Variants in LCT observed in about 807,000 individuals in gnomAD.
LCT encodes lactase, also known as lactase/phlorizin hydrolase.
In LCT, 90 loss-of-function variants were observed where a neutral mutation model predicts 173.0. The ratio of observed to expected loss-of-function variants is 0.52; its 90% CI spans 0.44 to 0.62. LCT has a LOEUF of 0.62. Ranked by LOEUF, LCT falls within the 20% of genes least tolerant of loss-of-function variation. The pLI, the probability that LCT is intolerant of heterozygous loss-of-function variation, is 0.00. For missense variants in LCT, 1,864 were observed against 2,431.4 expected, an observed-to-expected ratio of 0.77 and a Z score of 4.91; for synonymous variants, 853 against 957.6, an observed-to-expected ratio of 0.89 and a Z score of 2.02.
At position 135,813,009 on chromosome 2, in the gene LCT, A is replaced by G. The variant is rs1558739794; in HGVS notation, c.1708-53T>C. The G allele has an allele frequency of 6.0e-6, 9 of 1,498,590 alleles. No individual in the cohort carries two copies. The Admixed American group carries it at 1.6e-4, about 27-fold the overall frequency. The allele number at this position is 1,498,590 out of a possible 1,614,324, so 92.8% of individuals were successfully genotyped here. A position where few individuals can be genotyped will look rare whatever the true frequency, so the allele number is the denominator to read the frequency against. The stretch of plus-strand genomic sequence containing the variant: ...GTGATTAGTAATAATAACAATGACA[A>G]CAACAGGACTAATGAACCAATAACA... On this transcript the variant is annotated intron_variant, in intron 6 of 16. Transcript: ENST00000264162.
chr2:135,812,941 G>T lies in LCT; in HGVS notation c.1723C>A (p.Leu575Ile), dbSNP rs765760788. 33 of 1,614,032 alleles carry T rather than the reference G, an allele frequency of 2.0e-5. No homozygotes were observed. The East Asian group carries it at 7.1e-4, about 35-fold the overall frequency. ...TGCCAAGTTCTGGCATGAGCCTTGA[G>T]GACCAAGTGAGCCACCTTGTGAAAA... Reference protein sequence around the residue: ...VASFKVAHLVLKAHARTWHHY... With the variant: ...VASFKVAHLVIKAHARTWHHY... The change falls in exon 7 of 17, where the codon CTC (leucine) becomes ATC (isoleucine). Residue 575 changes from leucine (L) to isoleucine (I), a missense_variant. Physicochemically the swap from Leu to Ile is conservative, Grantham distance 5 (BLOSUM62 2). This residue lies in a region of LCT where 183 missense variants were observed against 293.1 expected (regional missense o/e 0.62). Transcript: ENST00000264162.
intron 6 of LCT, among the ~76,000 whole-genome samples, chr2:135,817,046 T>A (rs1344867080): frequency 6.6e-6 from 1 of 152,034 alleles, no homozygotes. Flanking sequence ...TTTTTGTATT[T>A]TTTTTGCAGA....
In LCT at chr2:135,829,662, G is replaced by A. The variant is rs868808264; in HGVS notation, c.735C>T (p.Phe245=). 1.2e-6 allele frequency: 2 copies of A among 1,608,014 alleles called. No homozygotes were observed. Among genetic ancestry groups the A allele is most frequent in the South Asian group, 2.2e-5 (2 of 91,010 alleles). ...ISALAQDTVD[F]LSLDLSYECQ... is the part of the protein sequence containing the mutation. ...ATTCATAAGACAAATCAAGAGAGAG[G>A]AAATCGACCGTGTCCTGAAAATAGT... The change falls in exon 3 of 17, where the codon TTC becomes TTT. Residue 245 remains phenylalanine (F), a synonymous_variant. Transcript: ENST00000264162.
intron 3 of LCT, among the ~76,000 whole-genome samples, chr2:135,824,222 C>T (rs2077863561): frequency 6.6e-6 from 1 of 152,212 alleles, no homozygotes. Flanking sequence ...CCCCCACCTT[C>T]ACCTCTTCTT....
At chr2:135,805,454 A>T (rs2077663622) in intron 9 of LCT, among the ~76,000 whole-genome samples, 1 of 152,212 alleles carries the variant, frequency 6.6e-6, no homozygotes, top group African/African-American at 2.4e-5. Flanking sequence ...AGCAGGAACC[A>T]CCACTAACTG....
chr2:135,790,835 A>G lies in LCT; in HGVS notation c.5158T>C (p.Phe1720Leu), dbSNP rs1172565995. ...ADRSWPDSGSFWLKMTPFGFR... is the reference protein window; with the variant it reads ...ADRSWPDSGSLWLKMTPFGFR... ...CCAAAAGGCGTCATCTTCAGCCAGA[A>G]GGAGCCAGAGTCTGGCCACGAGCGA... Residue 1720 changes from phenylalanine to leucine, a missense_variant, in exon 15 of 17, where the codon TTC becomes CTC. Around this residue, in one of 4 missense-constraint regions of LCT, gnomAD observed 514 missense variants for 750.1 expected, o/e 0.69. Transcript: ENST00000264162. This position sits in a 1 kb window ranked among gnomAD's most constrained non-coding sequence, Gnocchi z 4.1. 3.7e-6 allele frequency: 6 copies of G among 1,614,102 alleles called. No individual in the cohort carries two copies. In the South Asian group the frequency reaches 4.4e-5, roughly 12 times the overall value.
intron 4 of LCT, chr2:135,822,494 C>A: frequency 4.6e-6 from 1 of 219,074 alleles, no homozygotes. Context: ...TTTAGAAGAA[C>A]TCAAAGATCA....
In LCT at chr2:135,809,842, G is replaced by C. The variant is rs1234446374; in HGVS notation, c.2505C>G (p.Ala835=). 1.9e-6 allele frequency: 3 copies of C among 1,614,014 alleles called. No individual in the cohort carries two copies. The highest frequency in any genetic ancestry group is 2.7e-5 in the African/African-American group (2 of 74,910). The part of the protein sequence containing the change: ...SSKSRTPRKS[A]YFFTSIIEKN... Reference sequence around the variant, plus strand: ...TTTCTATGATGCTAGTGAAAAAGTAGGCAGATTTCCTGGGAGTCCTTGACT... The same window carrying C: ...TTTCTATGATGCTAGTGAAAAAGTACGCAGATTTCCTGGGAGTCCTTGACT... Residue 835 remains alanine (A), a synonymous_variant, in exon 8 of 17, where the codon GCC becomes GCG. Coordinates refer to ENST00000264162, the MANE Select transcript of LCT (RefSeq NM_002299.4). This position sits in a 1 kb window ranked among gnomAD's most constrained non-coding sequence, Gnocchi z 5.5.
chr2:135,832,042 C>G (rs12620033), intron 2 of LCT, among the ~76,000 whole-genome samples: 77,281 of 151,720 alleles, frequency 0.51, 23,829 homozygotes, highest in Non-Finnish European at 0.71. Context: ...CATGGTGAAA[C>G]CCCATCTCTA....
chr2:135,813,026 C>A, intron 6 of LCT, 70 bp from the exon 7 acceptor site: 1 of 1,372,640 alleles, frequency 7.3e-7, no homozygotes. Flanking sequence ...GACTAATGAA[C>A]CAATAACAAG....
At chr2:135,823,819 A>C in intron 4 of LCT, 82 bp downstream of exon 4, 28 of 935,700 alleles carry the variant, frequency 3.0e-5, no homozygotes, top group Non-Finnish European at 4.4e-5. Context: ...CTCCCATTGG[A>C]ACCCCGGACT....
At chr2:135,824,351 C>T (rs2077865093) in intron 3 of LCT, among the ~76,000 whole-genome samples, 1 of 152,156 alleles carries the variant, frequency 6.6e-6, no homozygotes, top group Non-Finnish European at 1.5e-5. Flanking sequence ...AGGCCACCAT[C>T]TATGGATGTC....
chr2:135,834,808 A>AAAAACAAAAAAAG, intron 1 of LCT, among the ~76,000 whole-genome samples: 1 of 138,240 alleles, frequency 7.2e-6, no homozygotes, highest in Admixed American at 7.8e-5. Context: ...AAAAAAAAAA[A>AAAAACAAAAAAAG]AAGAAGAAGA....
chr2:135,811,629 AG>A (rs991943915), intron 7 of LCT, among the ~76,000 whole-genome samples: 12 of 149,740 alleles, frequency 8.0e-5, no homozygotes, highest in African/African-American at 2.9e-4. Context: ...AGAGCCTAGG[AG>A]TTTGAGGCTG....
intron 3 of LCT, among the ~76,000 whole-genome samples, chr2:135,829,233 G>A (rs2077913047): frequency 6.6e-6 from 1 of 152,070 alleles, no homozygotes; most frequent in African/African-American, 2.4e-5. Context: ...GTATAGTTCA[G>A]TGGTGTTAAG....
intron 6 of LCT, among the ~76,000 whole-genome samples, chr2:135,815,682 G>GTAT (rs57008352): frequency 0.1 from 15,632 of 150,754 alleles, 1,339 homozygotes; most frequent in South Asian, 0.29. Flanking sequence ...ACAGGAAATA[G>GTAT]TATTATTATT....
chr2:135,831,858 T>A (rs1463709815), intron 2 of LCT, among the ~76,000 whole-genome samples: 1 of 152,172 alleles, frequency 6.6e-6, no homozygotes, highest in East Asian at 1.9e-4. Context: ...GCTTCCAGAC[T>A]GCCCAGCTGC....
At chr2:135,791,438 G>A (rs2077532463) in intron 14 of LCT, among the ~76,000 whole-genome samples, 1 of 152,236 alleles carries the variant, frequency 6.6e-6, no homozygotes, top group African/African-American at 2.4e-5. Flanking sequence ...TGGACGAGGA[G>A]GTGGACAGCT....
In LCT at chr2:135,836,827, G is replaced by A. The variant is rs980175497; in HGVS notation, c.343C>T (p.Arg115Ter). 4 of 1,614,128 alleles carry A rather than the reference G, an allele frequency of 2.5e-6. No individual in the cohort carries two copies. Among genetic ancestry groups the A allele is most frequent in the Non-Finnish European group, 3.4e-6 (4 of 1,180,026 alleles). Residue 115 changes from arginine (R) to a stop codon, truncating the protein, a stop_gained, in exon 1 of 17, where the codon CGA becomes TGA. Coordinates refer to ENST00000264162, the MANE Select transcript of LCT (RefSeq NM_002299.4). LOFTEE classifies it high-confidence loss of function. ...GCAGTCTTGAGGGCCTTGAGGAGTC[G>A]CCGGTAGCACTGCACTGTTTTCTCG... ...PDEKTVQCYR[R>*]LLKALKTARL...
Sources: gnomAD v4.1 joint callset for allele counts (sites outside exome capture counted in the v4.1 genomes callset) on GRCh38, gnomAD v4.1.1 for gene constraint, gnomAD v4.1.1 regional missense constraint, Gnocchi (gnomAD v3.1) non-coding constraint, MANE v1.5 for transcripts, NCBI Gene and HGNC (gene_info 2026-07-23, HGNC 2026-07-21) for gene names.